TAF12: variants seen among roughly 807,000 people sequenced by gnomAD.
TAF12 encodes the protein TATA-box binding protein associated factor 12, also known as transcription initiation factor TFIID subunit 12.
Under a neutral mutation model 20.8 loss-of-function variants are expected in TAF12, and 3 were observed. That is an observed-to-expected ratio of 0.14 (90% confidence interval 0.07 to 0.37). The LOEUF is 0.37. Among genes scored for constraint, TAF12 ranks in the 10% least tolerant of loss-of-function variants. TAF12 has a pLI of 1.00. For synonymous variants in TAF12, 69 were observed against 70.2 expected, an observed-to-expected ratio of 0.98 and a Z score of 0.09; for missense variants, 131 against 197.9, an observed-to-expected ratio of 0.66 and a Z score of 2.03.
At position 28,617,942 on chromosome 1, in the gene TAF12, C is replaced by A; in HGVS notation, c.246+11G>T. On this transcript the variant is annotated intron_variant, in intron 3 of 5. Coordinates refer to ENST00000373824, the MANE Select transcript of TAF12 (RefSeq NM_005644.4). ...AGGGACCAGTTTCTGGGGTACCCAA[C>A]CCCACCTTACCTCCTCCACATCTTC... The A allele has an allele frequency of 6.2e-7, 1 of 1,613,970 alleles. No homozygotes were observed. The highest frequency in any genetic ancestry group is 8.5e-7 in the Non-Finnish European group (1 of 1,179,914).
intron 1 of TAF12, among the ~76,000 whole-genome samples, chr1:28,633,053 C>T (rs1026782614): frequency 3.3e-5 from 5 of 151,246 alleles, no homozygotes; most frequent in Non-Finnish European, 5.9e-5. Context: ...TTAGTACAGA[C>T]GGGGTTTCAC....
At position 28,613,310 on chromosome 1, in the gene TAF12, A is replaced by G. The variant is rs1557459847; in HGVS notation, c.298T>C (p.Cys100Arg). ...GACTTGCGATGCCGCGCAAGCTGAC[A>G]GGCTGCTGTCACCACACTCTCGATA... ...DFIESVVTAACQLARHRKSST... is the reference protein window; with the variant it reads ...DFIESVVTAARQLARHRKSST... Residue 100 changes from cysteine (C) to arginine (R), a missense_variant, in exon 4 of 6, where the codon TGT becomes CGT. Around this residue, in one of 3 missense-constraint regions of TAF12, gnomAD observed 60 missense variants for 90.2 expected, o/e 0.66. Transcript: ENST00000373824. 6.2e-7 allele frequency: 1 copy of G among 1,612,490 alleles called. No individual in the cohort carries two copies.
upstream of TAF12, among the ~76,000 whole-genome samples, chr1:28,646,748 GAGTGC>G (rs1042142119): frequency 2.0e-5 from 3 of 148,264 alleles, no homozygotes; most frequent in Non-Finnish European, 4.5e-5. Flanking sequence ...GCCCAGGCTG[GAGTGC>G]AGTGGTGCAA....
chr1:28,614,674 CAA>C (rs1192586079), intron 3 of TAF12, among the ~76,000 whole-genome samples: 25 of 85,502 alleles, frequency 2.9e-4, no homozygotes, highest in Admixed American at 5.1e-4. Context: ...CAGGGCGAGA[CAA>C]AAAAAAAAAA....
chr1:28,634,904 G>A (rs764731675), intron 1 of TAF12, among the ~76,000 whole-genome samples: 6 of 150,906 alleles, frequency 4.0e-5, no homozygotes, highest in African/African-American at 9.8e-5. Context: ...ACTCCAGCCT[G>A]GGCAACAAGA....
At chr1:28,640,330 C>A (rs186787944) in intron 1 of TAF12, among the ~76,000 whole-genome samples, 5 of 152,074 alleles carry the variant, frequency 3.3e-5, no homozygotes, top group African/African-American at 1.2e-4. Flanking sequence ...TTTAGAGGAG[C>A]CTTAAGAAGG....
At chr1:28,622,983 C>T (rs1490330483) in intron 1 of TAF12, among the ~76,000 whole-genome samples, 2 of 151,626 alleles carry the variant, frequency 1.3e-5, no homozygotes, top group African/African-American at 4.8e-5. Context: ...GCCGAGATCA[C>T]GCCACTGTAC....
chr1:28,641,754 G>A (rs907232499), intron 1 of TAF12, among the ~76,000 whole-genome samples: 1 of 142,154 alleles, frequency 7.0e-6, no homozygotes, highest in Admixed American at 7.4e-5. Context: ...AGACTGAGCC[G>A]CTGCACTTCA....
intron 3 of TAF12, among the ~76,000 whole-genome samples, chr1:28,615,680 A>G (rs1397725934): frequency 3.6e-4 from 11 of 30,918 alleles, no homozygotes; most frequent in African/African-American, 1.2e-3. Context: ...CTCCGTCTCA[A>G]AAAAAAAAAA....
chr1:28,628,164 C>T (rs1667483244), intron 1 of TAF12, among the ~76,000 whole-genome samples: 1 of 136,772 alleles, frequency 7.3e-6, no homozygotes, highest in Non-Finnish European at 1.5e-5. Context: ...CCAGCCTGGT[C>T]AATATGGTGA....
intron 2 of TAF12, among the ~76,000 whole-genome samples, chr1:28,619,541 G>C (rs1251292177): frequency 7.3e-6 from 1 of 136,346 alleles, no homozygotes; most frequent in Non-Finnish European, 1.6e-5. Flanking sequence ...AATAAATTAA[G>C]AAAAAAGAAA....
chr1:28,625,845 C>A (rs939514286), intron 1 of TAF12, among the ~76,000 whole-genome samples: 1 of 149,916 alleles, frequency 6.7e-6, no homozygotes, highest in African/African-American at 2.5e-5. Context: ...CTGGCCCCAG[C>A]TAATTTTTTT....
chr1:28,642,761 C>A (rs565124328), intron 1 of TAF12: 1 of 985,370 alleles, frequency 1.0e-6, no homozygotes, highest in Non-Finnish European at 1.2e-6. Context: ...CCTCAGATGC[C>A]GGAGAACTCG....
chr1:28,632,955 C>A (rs1667686141), intron 1 of TAF12, among the ~76,000 whole-genome samples: 1 of 152,016 alleles, frequency 6.6e-6, no homozygotes. Flanking sequence ...CCTCCGCCTG[C>A]CAGGTACAAG....
intron 1 of TAF12, among the ~76,000 whole-genome samples, chr1:28,638,154 C>T (rs1344982917): frequency 2.0e-5 from 3 of 151,436 alleles, no homozygotes; most frequent in Non-Finnish European, 2.9e-5. Flanking sequence ...GCGTCTGCCA[C>T]CACATCCAGC....
At chr1:28,604,677 G>C (rs1284518586) in intron 5 of TAF12, among the ~76,000 whole-genome samples, 2 of 152,152 alleles carry the variant, frequency 1.3e-5, no homozygotes, top group Non-Finnish European at 2.9e-5. Context: ...AGGCTATGGC[G>C]AAGCAGGGGC....
chr1:28,621,431 G>A (rs1667217612), intron 2 of TAF12, among the ~76,000 whole-genome samples: 1 of 152,132 alleles, frequency 6.6e-6, no homozygotes. Context: ...ATGACTAGAA[G>A]CAAGAGTACT....
In TAF12 at chr1:28,622,073, C is replaced by G. The variant is rs932515133; in HGVS notation, c.9G>C (p.Gln3His). ...GGTTGATTAGGGCTGAGGGGCCAAA[C>G]TGGTTCATAATCTGCCGAGCTTTGG... MN[Q>H]FGPSALINLS... Residue 3 changes from glutamine to histidine, a missense_variant, in exon 2 of 6, where the codon CAG becomes CAC. Transcript: ENST00000373824. 1 of 1,612,010 alleles carries G rather than the reference C, an allele frequency of 6.2e-7. No homozygotes were observed.
At chr1:28,648,214 G>C (rs1668248698) in exon 1 of TAF12, 1 of 985,222 alleles carries the variant, frequency 1.0e-6, no homozygotes, top group African/African-American at 1.7e-5. Flanking sequence ...CAGCCGCTGA[G>C]AGCCGGTATT....
Sources: allele counts gnomAD v4.1 joint callset (sites outside exome capture counted in the v4.1 genomes callset), GRCh38; gene constraint gnomAD v4.1.1; regional missense constraint gnomAD v4.1.1; transcripts MANE v1.5; gene names NCBI Gene and HGNC (gene_info 2026-07-23, HGNC 2026-07-21).